Variants in LRRC4C observed in about 807,000 individuals in gnomAD.
LRRC4C encodes leucine rich repeat containing 4C.
In LRRC4C, 5 loss-of-function variants were observed where a neutral mutation model predicts 33.6. The observed-to-expected ratio is 0.15, with a 90% CI of 0.08 to 0.31. The LOEUF is 0.31. LRRC4C is among the 10% of genes least tolerant of loss of function. The pLI, the probability that LRRC4C is intolerant of heterozygous loss-of-function variation, is 1.00. For missense variants in LRRC4C, 560 were observed against 796.7 expected (o/e 0.70, Z 3.58); for synonymous variants, 329 against 302.0 (o/e 1.09, Z -0.93).
chr11:40,272,639 A>G (rs1942792764), intron 4 of LRRC4C, among the ~76,000 whole-genome samples: 1 of 152,114 alleles, frequency 6.6e-6, no homozygotes, highest in Non-Finnish European at 1.5e-5. Context: ...AAATTGCCGC[A>G]AAGTCTGTTC....
chr11:40,879,834 A>G lies in LRRC4C; in HGVS notation c.-407+53801T>C, dbSNP rs183271046. ...GGCTCAAAAACATGGAAAACCTTGG[A>G]ATGTTATTGTTGATTGTATTTTCCA... On this transcript the variant is annotated intron_variant, in intron 2 of 6. Transcript: ENST00000528697. Among the ~76,000 whole-genome samples the G allele has an allele frequency of 1.6e-3, 250 of 152,258 alleles. 3 individuals carry two copies. The highest frequency in any genetic ancestry group is 3.8e-4 in the Non-Finnish European group (26 of 68,016).
At chr11:41,370,701 T>C (rs1445375349) in intron 1 of LRRC4C, among the ~76,000 whole-genome samples, 6 of 152,024 alleles carry the variant, frequency 3.9e-5, no homozygotes, top group Admixed American at 3.9e-4. Flanking sequence ...GACTAATATA[T>C]CCAGCTAATT....
intron 1 of LRRC4C, among the ~76,000 whole-genome samples, chr11:41,303,108 TC>T (rs1950332241): frequency 8.9e-6 from 1 of 112,666 alleles, no homozygotes; most frequent in African/African-American, 3.0e-5. Flanking sequence ...TCCCTCTCCC[TC>T]TCCCTCTCCC....
intron 2 of LRRC4C, among the ~76,000 whole-genome samples, chr11:40,872,280 TC>T (rs981252874): frequency 4.6e-5 from 7 of 151,078 alleles, no homozygotes; most frequent in African/African-American, 1.7e-4. Context: ...CTCAAAATAG[TC>T]CTGGCTCTCT....
At chr11:41,043,207 T>G (rs536994092) in intron 1 of LRRC4C, among the ~76,000 whole-genome samples, 22 of 151,808 alleles carry the variant, frequency 1.4e-4, no homozygotes, top group African/African-American at 5.1e-4. Flanking sequence ...TCTCAGAGGC[T>G]GAGTTGGACT....
chr11:40,133,444 CAT>C (rs1856779408), intron 6 of LRRC4C, among the ~76,000 whole-genome samples: 1 of 152,164 alleles, frequency 6.6e-6, no homozygotes, highest in African/African-American at 2.4e-5. Flanking sequence ...TAACCAAAAA[CAT>C]ATTTATAACC....
intron 3 of LRRC4C, among the ~76,000 whole-genome samples, chr11:40,584,566 A>T (rs1173036376): frequency 1.3e-5 from 2 of 152,128 alleles, no homozygotes; most frequent in African/African-American, 4.8e-5. Flanking sequence ...ACAATTTGTC[A>T]TCGGAGAAGA....
chr11:40,834,731 C>G (rs1050781371), intron 2 of LRRC4C, among the ~76,000 whole-genome samples: 7 of 152,054 alleles, frequency 4.6e-5, no homozygotes, highest in Non-Finnish European at 4.4e-5. Context: ...TGGACACAGG[C>G]TAAACACAAT....
At chr11:40,159,717 C>T (rs1054990516) in intron 5 of LRRC4C, among the ~76,000 whole-genome samples, 4 of 152,154 alleles carry the variant, frequency 2.6e-5, no homozygotes, top group African/African-American at 9.7e-5. Context: ...CATCTTTCTT[C>T]ACAAATTTCC....
intron 2 of LRRC4C, among the ~76,000 whole-genome samples, chr11:40,897,384 T>A (rs926418751): frequency 2.2e-4 from 34 of 152,186 alleles, no homozygotes; most frequent in Non-Finnish European, 4.4e-5. Context: ...GAAATCTTAA[T>A]TGAAACATGA....
intron 3 of LRRC4C, among the ~76,000 whole-genome samples, chr11:40,349,517 G>C (rs534356249): frequency 3.9e-5 from 6 of 152,056 alleles, no homozygotes; most frequent in Non-Finnish European, 1.5e-5. Context: ...ATTGTGGATA[G>C]TGCTGCAATT....
chr11:40,325,485 A>G (rs1027250019), intron 3 of LRRC4C, among the ~76,000 whole-genome samples: 1 of 152,066 alleles, frequency 6.6e-6, no homozygotes, highest in African/African-American at 2.4e-5. Flanking sequence ...GAAAATAGCC[A>G]AGTTTGGTGG....
intron 1 of LRRC4C, among the ~76,000 whole-genome samples, chr11:41,270,712 T>C (rs1949293859): frequency 6.6e-6 from 1 of 152,172 alleles, no homozygotes; most frequent in African/African-American, 2.4e-5. Flanking sequence ...ACCTTTCCTC[T>C]TTATAAATGA....
At chr11:41,163,284 G>GTTTATTTTTTTTTTTTT (rs1944556444) in intron 1 of LRRC4C, among the ~76,000 whole-genome samples, 1 of 73,382 alleles carries the variant, frequency 1.4e-5, no homozygotes, top group Non-Finnish European at 2.4e-5. Flanking sequence ...TACTGTAACT[G>GTTTATTTTTTTTTTTTT]TTTTTTTTTT....
At chr11:40,869,052 A>G (rs1459366255) in intron 2 of LRRC4C, among the ~76,000 whole-genome samples, 1 of 143,620 alleles carries the variant, frequency 7.0e-6, no homozygotes, top group African/African-American at 2.6e-5. Context: ...TCAGCCTTGA[A>G]GACAAACCTG....
At chr11:40,548,891 T>A (rs1957029747) in intron 3 of LRRC4C, among the ~76,000 whole-genome samples, 1 of 152,042 alleles carries the variant, frequency 6.6e-6, no homozygotes, top group African/African-American at 2.4e-5. Context: ...AATCTCAGAG[T>A]TCAATTCTCT....
Position 40,512,006 on chromosome 11 carries a change from T to C in LRRC4C, c.-270+136136A>G, listed in dbSNP as rs149522871. On this transcript the variant is annotated intron_variant, in intron 3 of 6. Coordinates refer to ENST00000528697, the MANE Select transcript of LRRC4C (RefSeq NM_001258419.2). The stretch of plus-strand genomic sequence containing the variant: ...GATACTTCGTTTTTATTCTTTAGCA[T>C]GTATTAGTGCAGGATGAGCCTGACA... Among the ~76,000 whole-genome samples, 53 of 152,228 alleles carry C rather than the reference T, an allele frequency of 3.5e-4. 1 individual carries two copies. Among genetic ancestry groups the C allele is most frequent in the African/African-American group, 9.1e-4 (38 of 41,540 alleles).
intron 1 of LRRC4C, among the ~76,000 whole-genome samples, chr11:40,940,413 A>G (rs891975785): frequency 5.9e-5 from 9 of 152,060 alleles, no homozygotes; most frequent in African/African-American, 2.2e-4. Context: ...AAATGCCCAC[A>G]TTGCTGAGCC....
At chr11:41,326,344 T>C (rs1951117267) in intron 1 of LRRC4C, among the ~76,000 whole-genome samples, 1 of 152,190 alleles carries the variant, frequency 6.6e-6, no homozygotes, top group South Asian at 2.1e-4. Flanking sequence ...GACTGAAGGC[T>C]GCACTGTCAG....
Sources: gnomAD v4.1 joint callset for allele counts (sites outside exome capture counted in the v4.1 genomes callset) on GRCh38, gnomAD v4.1.1 for gene constraint, MANE v1.5 for transcripts, NCBI Gene and HGNC (gene_info 2026-07-23, HGNC 2026-07-21) for gene names.